The following PLAC1 variants were observed in gnomAD, a reference collection of about 807,000 sequenced individuals.
PLAC1 encodes placenta associated 1.
For synonymous variants in PLAC1, 68 were observed against 62.1 expected (o/e 1.09, Z -0.44); for missense variants, 136 against 163.2 (o/e 0.83, Z 0.91).
intron 1 of PLAC1, among the ~76,000 whole-genome samples, chrX:134,620,738 G>A (rs930088514): frequency 4.5e-5 from 5 of 111,912 alleles, no homozygotes; most frequent in African/African-American, 9.7e-5. Context: ...TGTATTAAGC[G>A]TAGTGTTAGA....
At chrX:134,697,304 T>C (rs922228724) in intron 2 of PLAC1, among the ~76,000 whole-genome samples, 3 of 110,705 alleles carry the variant, frequency 2.7e-5, no homozygotes, top group Admixed American at 9.6e-5. Context: ...GTGAGGATGG[T>C]TTCAAAAATT....
At chrX:134,671,543 T>C (rs2078455313) in intron 2 of PLAC1, among the ~76,000 whole-genome samples, 1 of 109,511 alleles carries the variant, frequency 9.1e-6, no homozygotes, top group Admixed American at 9.8e-5. Context: ...CGTACAGTCA[T>C]GGCGGAAGGT....
chrX:134,587,740 C>T (rs1345002401), intron 2 of PLAC1, among the ~76,000 whole-genome samples: 1 of 111,976 alleles, frequency 8.9e-6, no homozygotes, highest in East Asian at 2.8e-4. Flanking sequence ...CAGTAAGATG[C>T]TTCCCAATTT....
chrX:134,667,792 T>A (rs2078442223), intron 2 of PLAC1, among the ~76,000 whole-genome samples: 1 of 110,011 alleles, frequency 9.1e-6, no homozygotes, highest in African/African-American at 3.3e-5. Context: ...CTGGGTGTGG[T>A]GGTGCATGCC....
intron 1 of PLAC1, among the ~76,000 whole-genome samples, chrX:134,734,886 G>T (rs902762718): frequency 9.0e-6 from 1 of 110,556 alleles, no homozygotes; most frequent in Admixed American, 9.7e-5. Flanking sequence ...CCCCTGGACT[G>T]CTGGGGCCAT....
At chrX:134,685,376 C>T (rs1275597461) in intron 2 of PLAC1, among the ~76,000 whole-genome samples, 3 of 108,025 alleles carry the variant, frequency 2.8e-5, no homozygotes, top group Admixed American at 2.0e-4. Flanking sequence ...CACACTGGGT[C>T]ACAGTCTGTT....
intron 1 of PLAC1, among the ~76,000 whole-genome samples, chrX:134,752,240 CTTT>C (rs1235275120): frequency 3.9e-5 from 4 of 103,160 alleles, no homozygotes; most frequent in African/African-American, 1.8e-4. Context: ...TTCATTTCTT[CTTT>C]GTTTGTTTTT....
intron 1 of PLAC1, among the ~76,000 whole-genome samples, chrX:134,753,780 C>T (rs1189300110): frequency 9.0e-6 from 1 of 111,621 alleles, no homozygotes; most frequent in Non-Finnish European, 1.9e-5. Context: ...AACTGTCCCA[C>T]CACATCCTGG....
At chrX:134,733,266 C>A (rs969243405) in intron 2 of PLAC1, among the ~76,000 whole-genome samples, 2 of 109,951 alleles carry the variant, frequency 1.8e-5, no homozygotes, top group African/African-American at 3.3e-5. Flanking sequence ...CAGAGAACTT[C>A]CGGGGCTTAG....
At chrX:134,586,635 T>C (rs867265161) in intron 2 of PLAC1, among the ~76,000 whole-genome samples, 16 of 109,452 alleles carry the variant, frequency 1.5e-4, no homozygotes, top group Admixed American at 2.9e-4. Context: ...CTCCTCTTCC[T>C]TCTCCTCGCT....
At chrX:134,762,821 CAAA>C (rs60721487) in intron 1 of PLAC1, among the ~76,000 whole-genome samples, 37 of 14,813 alleles carry the variant, frequency 2.5e-3, no homozygotes, top group African/African-American at 4.3e-3. Context: ...GGCTCTATCT[CAAA>C]AAAAAAAAAA....
At chrX:134,622,056 T>C (rs1173688349) in intron 1 of PLAC1, among the ~76,000 whole-genome samples, 1 of 111,904 alleles carries the variant, frequency 8.9e-6, no homozygotes, top group African/African-American at 3.3e-5. Context: ...ACCCCTGGGC[T>C]CTGAGCAGAG....
At chrX:134,588,417 C>T (rs1002890925) in intron 2 of PLAC1, among the ~76,000 whole-genome samples, 4 of 109,180 alleles carry the variant, frequency 3.7e-5, no homozygotes, top group East Asian at 2.9e-4. Flanking sequence ...CTCTGCCTCC[C>T]GTAGAACCCT....
chrX:134,636,614 AAAAGCTT>A (rs747517884), intron 1 of PLAC1, among the ~76,000 whole-genome samples: 20 of 112,380 alleles, frequency 1.8e-4, no homozygotes, highest in Admixed American at 2.8e-4. Context: ...GTTTATGCAG[AAAAGCTT>A]CCATGGATAA....
chrX:134,671,748 A>T (rs1234026835), intron 2 of PLAC1, among the ~76,000 whole-genome samples: 1 of 112,126 alleles, frequency 8.9e-6, no homozygotes, highest in East Asian at 2.8e-4. Context: ...CCAATCTGAC[A>T]CGAGATTTGG....
intron 2 of PLAC1, among the ~76,000 whole-genome samples, chrX:134,583,678 T>C (rs1208452889): frequency 1.8e-5 from 2 of 110,847 alleles, no homozygotes; most frequent in African/African-American, 6.6e-5. Flanking sequence ...ATGGGAGCTA[T>C]AGAATAGGCT....
chrX:134,619,750 G>A (rs967277190), intron 1 of PLAC1, among the ~76,000 whole-genome samples: 13 of 111,343 alleles, frequency 1.2e-4, no homozygotes, highest in African/African-American at 3.6e-4. Context: ...ATAACAAGCC[G>A]ATCTAGGGCA....
chrX:134,607,396 T>A (rs2078127615), intron 1 of PLAC1: 1 of 128,207 alleles, frequency 7.8e-6, no homozygotes, highest in Non-Finnish European at 1.6e-5. Flanking sequence ...AAGGTTAAGA[T>A]TCTTGCCAAG....
intron 2 of PLAC1, among the ~76,000 whole-genome samples, chrX:134,597,142 C>G (rs1166318463): frequency 9.0e-6 from 1 of 111,392 alleles, no homozygotes; most frequent in Non-Finnish European, 1.9e-5. Flanking sequence ...AATGTTATAT[C>G]TTTTGTAATA....
Sources: allele counts gnomAD v4.1 joint callset (sites outside exome capture counted in the v4.1 genomes callset), GRCh38; gene constraint gnomAD v4.1.1; transcripts MANE v1.5; gene names NCBI Gene and HGNC (gene_info 2026-07-23, HGNC 2026-07-21).